MYOM2: variants seen among roughly 807,000 people sequenced by gnomAD.
The protein encoded by MYOM2 is myomesin 2, also known as myomesin-2.
A neutral mutation model predicts 187.6 loss-of-function variants in MYOM2; 254 were observed. The observed-to-expected ratio is 1.35, with a 90% CI of 1.22 to 1.50. The LOEUF is 1.50. Ranked by LOEUF, MYOM2 falls within the 40% of genes most tolerant of loss-of-function variation. The pLI is 0.00. For missense variants in MYOM2, 2,796 were observed against 1,924.0 expected, an observed-to-expected ratio of 1.45 and a Z score of -8.48; for synonymous variants, 981 against 753.8, an observed-to-expected ratio of 1.30 and a Z score of -4.94.
intron 10 of MYOM2, among the ~76,000 whole-genome samples, chr8:2,074,699 C>G (rs981789198): frequency 6.6e-6 from 1 of 151,968 alleles, no homozygotes; most frequent in Non-Finnish European, 1.5e-5. Context: ...AAGTGATTGG[C>G]CCCCCAACTC....
chr8:2,052,924 C>T (rs2129327646), intron 3 of MYOM2, among the ~76,000 whole-genome samples: 1 of 152,290 alleles, frequency 6.6e-6, no homozygotes, highest in Non-Finnish European at 1.5e-5. Context: ...GGTGAAATGT[C>T]ATGGGAATGG....
At chr8:2,137,673 T>C (rs1038698608) in intron 32 of MYOM2, among the ~76,000 whole-genome samples, 2 of 152,184 alleles carry the variant, frequency 1.3e-5, no homozygotes, top group South Asian at 2.1e-4. Context: ...CAAGTTTTTC[T>C]GACTCTCAAC....
At chr8:2,079,823 G>C (rs567022439) in intron 13 of MYOM2, among the ~76,000 whole-genome samples, 2 of 152,196 alleles carry the variant, frequency 1.3e-5, no homozygotes, top group East Asian at 1.9e-4. Context: ...GTGGGAGAAA[G>C]GGTGAAGGAT....
chr8:2,131,041 C>T (rs575611082), intron 32 of MYOM2, among the ~76,000 whole-genome samples: 1 of 152,156 alleles, frequency 6.6e-6, no homozygotes, highest in African/African-American at 2.4e-5. Flanking sequence ...AGGCCACCCC[C>T]CTCTTCAGCC....
rs149624495 is a variant in MYOM2, at chr8:2,096,340, C to T, written c.2219C>T (p.Ser740Leu). ...AAGGTCCCGAAATTCAGTGGTGGCT[C>T]GCCCATCCTGGGCTACTACCTGGAC... ...GWKVPKFSGG[S>L]PILGYYLDKR... is the part of the protein sequence containing the mutation. The change falls in exon 18 of 37, where the codon TCG becomes TTG. Residue 740 changes from serine to leucine, a missense_variant. Physicochemically the swap from Ser to Leu is moderately radical, Grantham distance 145. Transcript: ENST00000262113. The T allele has an allele frequency of 5.1e-4, 827 of 1,614,068 alleles. 1 individual carries two copies. Among genetic ancestry groups the T allele is most frequent in the Non-Finnish European group, 6.6e-4 (778 of 1,180,038 alleles).
At chr8:2,081,863 T>C (rs941967929) in intron 13 of MYOM2, 5 of 152,270 alleles carry the variant, frequency 3.3e-5, no homozygotes, top group East Asian at 1.9e-4. Context: ...TCATTTCCCG[T>C]TGGAGTAAAG....
At chr8:2,059,048 G>T in intron 5 of MYOM2, 105 bp from the exon 6 acceptor site, 1 of 885,150 alleles carries the variant, frequency 1.1e-6, no homozygotes. Context: ...GGCTCTAAGG[G>T]AAACCTGCAG....
chr8:2,087,795 T>A (rs1426295140), intron 14 of MYOM2, among the ~76,000 whole-genome samples: 1 of 152,098 alleles, frequency 6.6e-6, no homozygotes, highest in African/African-American at 2.4e-5. Flanking sequence ...ATTTTTAAAT[T>A]TTTTTTATAG....
intron 6 of MYOM2, among the ~76,000 whole-genome samples, chr8:2,063,229 G>T (rs192239083): frequency 6.6e-6 from 1 of 152,198 alleles, no homozygotes; most frequent in Non-Finnish European, 1.5e-5. Flanking sequence ...CTGCTGAGCC[G>T]CCGGTCATCC....
Position 2,076,163 on chromosome 8 carries a change from G to A in MYOM2, c.1143G>A (p.Gly381=). 6.2e-7 allele frequency: 1 copy of A among 1,612,694 alleles called. No individual in the cohort carries two copies. Among genetic ancestry groups the A allele is most frequent in the Non-Finnish European group, 8.5e-7 (1 of 1,179,778 alleles). ...AAGATGCTGACCCGCTGGTCACAGG[G>A]GCCCCCGGTGCACCCATGGACTTGC... ...FVRDADPLVT[G]APGAPMDLQC... The change falls in exon 11 of 37, where the codon GGG becomes GGA. Residue 381 remains glycine (G), a synonymous_variant. Transcript: ENST00000262113.
chr8:2,109,551 A>T lies in MYOM2; in HGVS notation c.3180+20A>T. 6.3e-7 allele frequency: 1 copy of T among 1,594,540 alleles called. No homozygotes were observed. Among genetic ancestry groups the T allele is most frequent in the South Asian group, 1.1e-5 (1 of 87,992 alleles). On this transcript the variant is annotated intron_variant, in intron 25 of 36. Coordinates refer to ENST00000262113, the MANE Select transcript of MYOM2 (RefSeq NM_003970.4). ...AGCGAGGTGAGTTCCTGTGTGAGTG[A>T]TCTCTGGCTTTGCAGGGAGTCCACT...
At chr8:2,136,794 A>G (rs1337085387) in intron 32 of MYOM2, among the ~76,000 whole-genome samples, 2 of 152,178 alleles carry the variant, frequency 1.3e-5, no homozygotes, top group Non-Finnish European at 2.9e-5. Context: ...CTTTTTCTGT[A>G]AGCAAGTTGC....
rs544804494 is a variant in MYOM2, at chr8:2,079,377, C to G, written c.1463-183C>G. On this transcript the variant is annotated intron_variant, in intron 12 of 36. Transcript: ENST00000262113. ...CGCACATGGTCCTTTGCATCCACCA[C>G]CAAGAGCTGAGAAGTGCTAACTGTT... Among the ~76,000 whole-genome samples the G allele has an allele frequency of 2.6e-5, 4 of 152,122 alleles. No homozygotes were observed. The East Asian group carries it at 7.8e-4, about 29-fold the overall frequency.
intron 3 of MYOM2, among the ~76,000 whole-genome samples, chr8:2,053,314 G>C (rs995935263): frequency 1.5e-4 from 23 of 152,146 alleles, no homozygotes; most frequent in African/African-American, 5.6e-4. Flanking sequence ...ATGAATTCTA[G>C]TGTAAAGTGA....
intron 10 of MYOM2, among the ~76,000 whole-genome samples, chr8:2,074,685 T>A (rs1018223863): frequency 1.3e-5 from 2 of 152,070 alleles, no homozygotes; most frequent in East Asian, 1.9e-4. Context: ...GAACTCTTGA[T>A]CATAAGTGAT....
intron 18 of MYOM2, among the ~76,000 whole-genome samples, 159 bp downstream of exon 18, chr8:2,096,593 T>C (rs1221960689): frequency 6.6e-6 from 1 of 152,178 alleles, no homozygotes; most frequent in East Asian, 1.9e-4. Context: ...GCTAAAAAGA[T>C]CCTAGGAATC....
At chr8:2,089,643 A>C (rs1295772413) in intron 14 of MYOM2, among the ~76,000 whole-genome samples, 4 of 152,250 alleles carry the variant, frequency 2.6e-5, no homozygotes, top group East Asian at 3.8e-4. Context: ...CCACTGAGTT[A>C]TGACAGAATT....
At chr8:2,115,510 A>T (rs1008273712) in intron 25 of MYOM2, among the ~76,000 whole-genome samples, 20 of 152,254 alleles carry the variant, frequency 1.3e-4, no homozygotes, top group African/African-American at 4.8e-4. Context: ...GGACCACAGC[A>T]GGCTGGGGCT....
intron 31 of MYOM2, 37 bp from the exon 32 acceptor site, chr8:2,129,090 C>T (rs1797759529): frequency 6.7e-7 from 1 of 1,495,412 alleles, no homozygotes. Context: ...AGCAGGCACT[C>T]CTTTTCCTAG....
Sources: allele counts gnomAD v4.1 joint callset (sites outside exome capture counted in the v4.1 genomes callset), GRCh38; gene constraint gnomAD v4.1.1; transcripts MANE v1.5; gene names NCBI Gene and HGNC (gene_info 2026-07-23, HGNC 2026-07-21).